ADAMTSL1: variants seen among roughly 807,000 people sequenced by gnomAD.
ADAMTSL1 encodes the protein ADAMTS-like protein 1.
Under a neutral mutation model 201.8 loss-of-function variants are expected in ADAMTSL1, and 126 were observed. The observed-to-expected ratio is 0.62, with a 90% CI of 0.54 to 0.72. ADAMTSL1 has a LOEUF of 0.72. ADAMTSL1 is among the 30% of genes least tolerant of loss of function. The pLI, the probability that ADAMTSL1 is intolerant of heterozygous loss-of-function variation, is 0.00. For missense variants in ADAMTSL1, 2,679 were observed against 2,277.8 expected, an observed-to-expected ratio of 1.18 and a Z score of -3.59; for synonymous variants, 1,121 against 903.4, an observed-to-expected ratio of 1.24 and a Z score of -4.32.
At chr9:18,304,034 G>T (rs1833807784) in intron 2 of ADAMTSL1, among the ~76,000 whole-genome samples, 1 of 152,070 alleles carries the variant, frequency 6.6e-6, no homozygotes, top group Admixed American at 6.6e-5. Context: ...TTTAACCTTG[G>T]CCTGTGGGGG....
At chr9:18,007,508 C>A (rs1291136126) in intron 1 of ADAMTSL1, among the ~76,000 whole-genome samples, 3 of 152,006 alleles carry the variant, frequency 2.0e-5, no homozygotes, top group Non-Finnish European at 4.4e-5. Context: ...CTAAGAAACA[C>A]TTTCCTCATC....
chr9:18,654,193 C>T (rs968244874), intron 7 of ADAMTSL1, among the ~76,000 whole-genome samples: 1 of 152,200 alleles, frequency 6.6e-6, no homozygotes, highest in Non-Finnish European at 1.5e-5. Flanking sequence ...CACGCCACTT[C>T]GCTCCACCCT....
At chr9:17,980,076 C>T (rs893502947) in intron 1 of ADAMTSL1, among the ~76,000 whole-genome samples, 1 of 152,140 alleles carries the variant, frequency 6.6e-6, no homozygotes, top group Non-Finnish European at 1.5e-5. Flanking sequence ...GAGGCCATTT[C>T]TCTTTGTACT....
At chr9:18,634,603 G>A (rs1826980804) in intron 5 of ADAMTSL1, among the ~76,000 whole-genome samples, 1 of 151,932 alleles carries the variant, frequency 6.6e-6, no homozygotes, top group South Asian at 2.1e-4. Flanking sequence ...ACTTTGGGAG[G>A]CTGAGGTGAG....
chr9:18,778,162 T>TG (rs1478510270), intron 19 of ADAMTSL1, among the ~76,000 whole-genome samples: 1 of 152,242 alleles, frequency 6.6e-6, no homozygotes, highest in South Asian at 2.1e-4. Context: ...CTCCTATCCC[T>TG]GTAGGATCCC....
At chr9:18,739,208 T>C (rs542584721) in intron 15 of ADAMTSL1, among the ~76,000 whole-genome samples, 1 of 152,330 alleles carries the variant, frequency 6.6e-6, no homozygotes, top group African/African-American at 2.4e-5. Flanking sequence ...GTAATTATTG[T>C]TATCATCCTT....
intron 11 of ADAMTSL1, 72 bp downstream of exon 11, chr9:18,680,588 C>G: frequency 6.5e-7 from 1 of 1,539,468 alleles, no homozygotes; most frequent in Admixed American, 1.7e-5. Flanking sequence ...ATGGCCCCAC[C>G]GGGTACCCTG....
intron 1 of ADAMTSL1, among the ~76,000 whole-genome samples, chr9:18,007,679 C>T (rs534784103): frequency 1.3e-5 from 2 of 151,964 alleles, no homozygotes; most frequent in South Asian, 2.1e-4. Flanking sequence ...GGCACTGAAG[C>T]CTTCAACACA....
chr9:18,701,718 T>A (rs368199495), intron 13 of ADAMTSL1, among the ~76,000 whole-genome samples: 27 of 152,306 alleles, frequency 1.8e-4, no homozygotes, highest in African/African-American at 6.5e-4. Flanking sequence ...TAATGAGACT[T>A]CCTGCATGTT....
intron 23 of ADAMTSL1, among the ~76,000 whole-genome samples, chr9:18,886,582 C>T (rs532975503): frequency 1.9e-4 from 29 of 152,158 alleles, no homozygotes; most frequent in Non-Finnish European, 2.8e-4. Flanking sequence ...TCAGTGCAGC[C>T]GCAGATTTGA....
chr9:18,591,747 A>G (rs1362243552), intron 4 of ADAMTSL1, among the ~76,000 whole-genome samples: 1 of 152,230 alleles, frequency 6.6e-6, no homozygotes, highest in Non-Finnish European at 1.5e-5. Context: ...TACAATCAGT[A>G]CATTTTGGCC....
At chr9:18,667,187 C>A (rs529842578) in intron 9 of ADAMTSL1, among the ~76,000 whole-genome samples, 1 of 151,226 alleles carries the variant, frequency 6.6e-6, no homozygotes, top group Non-Finnish European at 1.5e-5. Context: ...TACCCCCAAG[C>A]GGCAATTCTT....
At chr9:18,529,372 T>C (rs959632779) in intron 2 of ADAMTSL1, among the ~76,000 whole-genome samples, 1 of 152,342 alleles carries the variant, frequency 6.6e-6, no homozygotes. Context: ...TTAGTGTTAG[T>C]ATACTATGTA....
At chr9:18,513,810 T>C (rs1055973326) in intron 2 of ADAMTSL1, among the ~76,000 whole-genome samples, 16 of 152,232 alleles carry the variant, frequency 1.1e-4, no homozygotes, top group Non-Finnish European at 2.1e-4. Flanking sequence ...CTAGGTGTTC[T>C]ATTGGTGTAT....
chr9:18,039,674 T>C (rs2131630526), intron 1 of ADAMTSL1, among the ~76,000 whole-genome samples: 1 of 152,306 alleles, frequency 6.6e-6, no homozygotes, highest in Non-Finnish European at 1.5e-5. Context: ...AAGTTAATGC[T>C]GTGGAGACAT....
At chr9:18,899,702 C>A (rs1207686700) in intron 26 of ADAMTSL1, among the ~76,000 whole-genome samples, 1 of 152,086 alleles carries the variant, frequency 6.6e-6, no homozygotes, top group Admixed American at 6.6e-5. Context: ...GGACTCCCTA[C>A]TTAATAGATG....
At chr9:18,651,033 ATACTC>A (rs1828212547) in intron 7 of ADAMTSL1, 1 of 152,224 alleles carries the variant, frequency 6.6e-6, no homozygotes, top group Admixed American at 6.5e-5. Flanking sequence ...ACCAATCACT[ATACTC>A]TATCTAAACA....
At chr9:18,531,689 A>G (rs993602977) in intron 2 of ADAMTSL1, among the ~76,000 whole-genome samples, 4 of 152,200 alleles carry the variant, frequency 2.6e-5, no homozygotes, top group Non-Finnish European at 5.9e-5. Context: ...ACACCAAATT[A>G]TATAATTAAT....
In ADAMTSL1 at chr9:18,904,662, A is replaced by AGG. The variant is rs1364957563; in HGVS notation, c.4852-1120_4852-1119insGG. On this transcript the variant is annotated intron_variant, in intron 26 of 28. Transcript: ENST00000380548. Reference sequence around the variant, plus strand: ...AAAAAAAAAAAAAAAAAAAAAAAAAAAAAAAAAAAAGGTCCGTTTATGTGT... The same window carrying AGG: ...AAAAAAAAAAAAAAAAAAAAAAAAAAGGAAAAAAAAAAGGTCCGTTTATGTGT... Among the ~76,000 whole-genome samples the AGG allele has an allele frequency of 2.9e-5, 4 of 140,130 alleles. 1 individual carries two copies. Among genetic ancestry groups the AGG allele is most frequent in the South Asian group, 4.4e-4 (2 of 4,540 alleles). 91.9% of individuals were successfully genotyped at this position (140,130 alleles called of 152,430 possible).
Sources: gnomAD v4.1 joint callset for allele counts (sites outside exome capture counted in the v4.1 genomes callset) on GRCh38, gnomAD v4.1.1 for gene constraint, MANE v1.5 for transcripts, NCBI Gene and HGNC (gene_info 2026-07-23, HGNC 2026-07-21) for gene names.